Variants in BTBD9 observed in about 807,000 individuals in gnomAD.
BTBD9 encodes BTB domain containing 9, also known as BTB/POZ domain-containing protein 9.
BTBD9 carries 49 observed loss-of-function variants against 64.3 expected under a neutral mutation model. That is an observed-to-expected ratio of 0.76 (90% CI 0.61 to 0.97). BTBD9 has a LOEUF of 0.97. BTBD9 is among the 50% of genes least tolerant of loss of function. BTBD9 has a pLI of 0.00. For missense variants in BTBD9, 598 were observed against 762.1 expected, an observed-to-expected ratio of 0.78 and a Z score of 2.53; for synonymous variants, 260 against 274.7, an observed-to-expected ratio of 0.95 and a Z score of 0.53.
Position 38,383,909 on chromosome 6 carries a change from CCCAAGT to C in BTBD9, c.1155-38822_1155-38817del, listed in dbSNP as rs539073000. 1.4e-4 allele frequency among the ~76,000 whole-genome samples: 21 copies of C among 152,280 alleles called. No individual in the cohort carries two copies. In the South Asian group the frequency reaches 4.4e-3, roughly 32 times the overall value. On this transcript the variant is annotated intron_variant, in intron 6 of 10. Coordinates refer to ENST00000481247, the MANE Select transcript of BTBD9 (RefSeq NM_001099272.2). ...GGAGGTGATTTTGGATAGAATTTTG[CCCAAGT>C]CCAGGGATGACTGAGTGGGCTGTGG...
At chr6:38,326,667 T>C (rs1458797534) in intron 7 of BTBD9, among the ~76,000 whole-genome samples, 1 of 152,134 alleles carries the variant, frequency 6.6e-6, no homozygotes, top group African/African-American at 2.4e-5. Context: ...TTTACTTGTG[T>C]TTCCACAGCT....
In BTBD9 at chr6:38,485,431, C is replaced by T. The variant is rs570186684; in HGVS notation, c.1154+92169G>A. ...AGCTATAGCCTTACAAAATGTATTT[C>T]GTAAATAAGACTGGAAAGTTAACAT... On this transcript the variant is annotated intron_variant, in intron 6 of 10. Transcript: ENST00000481247. 6.6e-5 allele frequency among the ~76,000 whole-genome samples: 10 copies of T among 152,288 alleles called. No homozygotes were observed. The South Asian group carries it at 8.3e-4, about 13-fold the overall frequency.
intron 10 of BTBD9, among the ~76,000 whole-genome samples, chr6:38,178,826 AC>A (rs1490553568): frequency 6.6e-6 from 1 of 151,922 alleles, no homozygotes; most frequent in Non-Finnish European, 1.5e-5. Context: ...GGATCCTGAT[AC>A]TCTTGGACAA....
chr6:38,504,181 C>G (rs1298598961), intron 6 of BTBD9, among the ~76,000 whole-genome samples: 2 of 152,206 alleles, frequency 1.3e-5, no homozygotes, highest in Non-Finnish European at 2.9e-5. Flanking sequence ...TATCCATCTT[C>G]TCTGGGCACA....
chr6:38,600,158 T>C (rs1381259384), intron 1 of BTBD9, among the ~76,000 whole-genome samples: 1 of 152,226 alleles, frequency 6.6e-6, no homozygotes, highest in Admixed American at 6.5e-5. Flanking sequence ...TGGAAAACTT[T>C]CTATAAAGGG....
intron 8 of BTBD9, among the ~76,000 whole-genome samples, chr6:38,279,249 G>A (rs1014334145): frequency 7.2e-5 from 11 of 152,046 alleles, no homozygotes; most frequent in African/African-American, 2.2e-4. Flanking sequence ...TGCCTCTGTG[G>A]TTACCAATGT....
intron 6 of BTBD9, among the ~76,000 whole-genome samples, chr6:38,389,732 G>A (rs1766330877): frequency 6.6e-6 from 1 of 152,184 alleles, no homozygotes; most frequent in Non-Finnish European, 1.5e-5. Flanking sequence ...AAAATCAGCT[G>A]TCTTAATTTG....
At chr6:38,558,550 T>C (rs1311918953) in intron 6 of BTBD9, among the ~76,000 whole-genome samples, 1 of 152,204 alleles carries the variant, frequency 6.6e-6, no homozygotes, top group Non-Finnish European at 1.5e-5. Context: ...ATGGCTCTTA[T>C]GATTTTGAGG....
At chr6:38,369,187 A>G (rs1765314906) in intron 6 of BTBD9, among the ~76,000 whole-genome samples, 1 of 151,940 alleles carries the variant, frequency 6.6e-6, no homozygotes, top group South Asian at 2.1e-4. Flanking sequence ...GTCATCTCCC[A>G]CCTGAAACAC....
chr6:38,328,564 C>CGTGTGTGTGTGTGTGTGTGTGTGTGT (rs201357884), intron 7 of BTBD9, among the ~76,000 whole-genome samples: 26 of 130,502 alleles, frequency 2.0e-4, no homozygotes, highest in East Asian at 5.3e-4. Context: ...TTTAAGCCAC[C>CGTGTGTGTGTGTGTGTGTGTGTGTGT]GTGTGTGTGT....
chr6:38,252,079 G>C (rs1764422213), intron 9 of BTBD9, among the ~76,000 whole-genome samples: 1 of 152,096 alleles, frequency 6.6e-6, no homozygotes, highest in Admixed American at 6.5e-5. Flanking sequence ...TCCAACTATA[G>C]CAGACTTAGG....
intron 7 of BTBD9, among the ~76,000 whole-genome samples, chr6:38,306,568 G>T (rs1762632169): frequency 6.6e-6 from 1 of 152,224 alleles, no homozygotes; most frequent in Non-Finnish European, 1.5e-5. Flanking sequence ...GGGAACTGCA[G>T]AAAAAGTGAT....
chr6:38,265,199 G>C (rs1388283217), intron 8 of BTBD9, among the ~76,000 whole-genome samples: 1 of 151,990 alleles, frequency 6.6e-6, no homozygotes. Context: ...CTGAAGTCCA[G>C]GATTACAAAA....
intron 7 of BTBD9, among the ~76,000 whole-genome samples, chr6:38,344,193 G>T (rs746168832): frequency 6.6e-6 from 1 of 151,770 alleles, no homozygotes; most frequent in African/African-American, 2.4e-5. Flanking sequence ...AAAACCTATG[G>T]GCATGGGGGA....
intron 7 of BTBD9, among the ~76,000 whole-genome samples, chr6:38,298,930 T>C (rs544472709): frequency 6.6e-6 from 1 of 152,108 alleles, no homozygotes; most frequent in Non-Finnish European, 1.5e-5. Context: ...TATGTATACA[T>C]GTGCCATGTT....
intron 9 of BTBD9, among the ~76,000 whole-genome samples, chr6:38,240,899 G>T (rs984675189): frequency 5.9e-5 from 9 of 152,150 alleles, no homozygotes; most frequent in African/African-American, 1.9e-4. Flanking sequence ...GATAGGAGGG[G>T]CTCAGTGGTG....
chr6:38,582,088 G>C (rs188432400), intron 4 of BTBD9, among the ~76,000 whole-genome samples: 1 of 152,106 alleles, frequency 6.6e-6, no homozygotes, highest in Non-Finnish European at 1.5e-5. Flanking sequence ...AAATGAAGAT[G>C]AGTAAAGAGA....
intron 7 of BTBD9, among the ~76,000 whole-genome samples, chr6:38,296,202 C>A (rs1762154438): frequency 6.6e-6 from 1 of 151,950 alleles, no homozygotes; most frequent in South Asian, 2.1e-4. Context: ...TTTTCCTTTT[C>A]TTTTTTCTTT....
At chr6:38,290,516 G>A (rs1054279353) in intron 7 of BTBD9, among the ~76,000 whole-genome samples, 1 of 152,012 alleles carries the variant, frequency 6.6e-6, no homozygotes, top group Non-Finnish European at 1.5e-5. Flanking sequence ...TCTCTCAGTG[G>A]CTTAACATAG....
Sources: gnomAD v4.1 joint callset for allele counts (sites outside exome capture counted in the v4.1 genomes callset) on GRCh38, gnomAD v4.1.1 for gene constraint, MANE v1.5 for transcripts, NCBI Gene and HGNC (gene_info 2026-07-23, HGNC 2026-07-21) for gene names.